The following PI4K2A variants were observed in gnomAD, a reference collection of about 807,000 sequenced individuals.
The protein encoded by PI4K2A is phosphatidylinositol 4-kinase type 2 alpha, also known as phosphatidylinositol 4-kinase type 2-alpha.
A neutral mutation model predicts 55.0 loss-of-function variants in PI4K2A; 20 were observed. That is an observed-to-expected ratio of 0.36 (90% CI 0.26 to 0.53). The LOEUF is 0.53. Ranked by LOEUF, PI4K2A falls within the 20% of genes least tolerant of loss-of-function variation. The probability of loss-of-function intolerance (pLI) is 0.91; values close to 1 mark genes in which losing one functional copy is unlikely to be tolerated. For synonymous variants in PI4K2A, 235 were observed against 258.5 expected (o/e 0.91, Z 0.87); for missense variants, 463 against 637.1 (o/e 0.73, Z 2.94).
chr10:97,657,662 T>A (rs1462485694), intron 4 of PI4K2A, among the ~76,000 whole-genome samples: 1 of 138,338 alleles, frequency 7.2e-6, no homozygotes, highest in Non-Finnish European at 1.5e-5. Context: ...AGCAAGACTC[T>A]GTTTCCAAAA....
intron 8 of PI4K2A, among the ~76,000 whole-genome samples, chr10:97,671,429 G>T (rs540874549): frequency 6.6e-6 from 1 of 152,104 alleles, no homozygotes; most frequent in East Asian, 1.9e-4. Context: ...TCCAGCTTGG[G>T]TGACAGAGTG....
At chr10:97,661,496 C>T (rs79589125) in intron 4 of PI4K2A, among the ~76,000 whole-genome samples, 3,560 of 151,348 alleles carry the variant, frequency 0.024, 62 homozygotes, top group Non-Finnish European at 0.038. Context: ...TAAAGGTCCA[C>T]ATATTACATT....
At chr10:97,661,234 G>A (rs573927539) in intron 4 of PI4K2A, among the ~76,000 whole-genome samples, 126 of 151,698 alleles carry the variant, frequency 8.3e-4, no homozygotes, top group Non-Finnish European at 1.6e-3. Context: ...CTCGTGATCC[G>A]CCCACCTCGG....
At chr10:97,646,219 ATTT>A (rs34709946) in intron 1 of PI4K2A, among the ~76,000 whole-genome samples, 1 of 141,624 alleles carries the variant, frequency 7.1e-6, no homozygotes, top group Admixed American at 7.1e-5. Flanking sequence ...GTCCTTAATA[ATTT>A]TTTTTTTTTT....
At chr10:97,662,728 C>A (rs912456135) in intron 4 of PI4K2A, among the ~76,000 whole-genome samples, 179 bp from the exon 5 acceptor site, 4 of 152,146 alleles carry the variant, frequency 2.6e-5, no homozygotes, top group Non-Finnish European at 5.9e-5. Context: ...ACTCTTAAAT[C>A]CTTTGTGGTC....
chr10:97,663,376 C>A, intron 5 of PI4K2A, among the ~76,000 whole-genome samples: 1 of 152,166 alleles, frequency 6.6e-6, no homozygotes. Context: ...AAAGCTGCTC[C>A]TGCAACTTTC....
chr10:97,665,378 G>A (rs543610869), intron 6 of PI4K2A, among the ~76,000 whole-genome samples: 25 of 151,092 alleles, frequency 1.7e-4, no homozygotes, highest in Non-Finnish European at 3.2e-4. Flanking sequence ...GGGTTCAAGC[G>A]ATTCTCCTGC....
At chr10:97,654,159 G>A (rs1020059984) in intron 2 of PI4K2A, among the ~76,000 whole-genome samples, 1 of 152,188 alleles carries the variant, frequency 6.6e-6, no homozygotes, top group African/African-American at 2.4e-5. Context: ...CTGCTCCTAT[G>A]AGGTTTCAGG....
intron 1 of PI4K2A, among the ~76,000 whole-genome samples, chr10:97,647,084 G>C (rs549805539): frequency 2.0e-5 from 3 of 151,974 alleles, no homozygotes; most frequent in South Asian, 4.2e-4. Flanking sequence ...CTGGGCTCAG[G>C]TTCCAGTAAT....
At position 97,656,878 on chromosome 10, in the gene PI4K2A, C is replaced by T. The variant is rs367733994; in HGVS notation, c.826C>T (p.Arg276Cys). 1.1e-5 allele frequency: 17 copies of T among 1,613,952 alleles called. No homozygotes were observed. The highest frequency in any genetic ancestry group is 2.7e-5 in the African/African-American group (2 of 74,920). ...CAAAGATGCAGACTATTGGCTGCGGCGTTTTGAAGCAGAACCTCTTCCTGA... is the reference window on the plus strand; with the variant it reads ...CAAAGATGCAGACTATTGGCTGCGGTGTTTTGAAGCAGAACCTCTTCCTGA... Residue 276 changes from arginine (R) to cysteine (C), a missense_variant, in exon 4 of 9, where the codon CGT becomes TGT. By Grantham distance (180) the Arg-to-Cys change is radical. This residue lies in a region of PI4K2A where 277 missense variants were observed against 432.6 expected (regional missense o/e 0.64). Transcript: ENST00000370631. This position sits in a 1 kb window ranked among gnomAD's most constrained non-coding sequence, Gnocchi z 4.5.
chr10:97,664,943 G>C, exon 6 of PI4K2A: 1 of 1,613,968 alleles, frequency 6.2e-7, no homozygotes, highest in Non-Finnish European at 8.5e-7. Context: ...ATAGACAATG[G>C]GCTGGCCTTC....
At chr10:97,641,526 T>TTG (rs1192449658) in intron 1 of PI4K2A, among the ~76,000 whole-genome samples, 2 of 152,118 alleles carry the variant, frequency 1.3e-5, no homozygotes, top group East Asian at 3.9e-4. Flanking sequence ...GGCCGCCGAC[T>TTG]TGCAGATTTG....
At chr10:97,642,374 T>A (rs2041474093) in intron 1 of PI4K2A, among the ~76,000 whole-genome samples, 1 of 151,542 alleles carries the variant, frequency 6.6e-6, no homozygotes, top group African/African-American at 2.4e-5. Context: ...TTGCGAGTAA[T>A]AAGTCTTTCG....
At chr10:97,646,053 T>C (rs1236937450) in intron 1 of PI4K2A, among the ~76,000 whole-genome samples, 1 of 152,114 alleles carries the variant, frequency 6.6e-6, no homozygotes, top group Non-Finnish European at 1.5e-5. Flanking sequence ...ATTATTTTCA[T>C]CATAATTCTA....
intron 8 of PI4K2A, among the ~76,000 whole-genome samples, chr10:97,668,938 T>C (rs2041622832): frequency 1.3e-5 from 2 of 152,076 alleles, no homozygotes; most frequent in Non-Finnish European, 2.9e-5. Context: ...CGATCTTGGC[T>C]CACTGCAACC....
chr10:97,660,405 C>T (rs1262850397), intron 4 of PI4K2A, among the ~76,000 whole-genome samples: 1 of 151,360 alleles, frequency 6.6e-6, no homozygotes, highest in Non-Finnish European at 1.5e-5. Context: ...AAGTGATTCT[C>T]CTGCCTCAGC....
At chr10:97,661,611 C>G (rs1218802246) in intron 4 of PI4K2A, among the ~76,000 whole-genome samples, 1 of 151,780 alleles carries the variant, frequency 6.6e-6, no homozygotes, top group African/African-American at 2.4e-5. Flanking sequence ...CCACCTCAGC[C>G]TCCCAAAATG....
chr10:97,667,061 A>G (rs2041612952), exon 8 of PI4K2A: 1 of 1,613,148 alleles, frequency 6.2e-7, no homozygotes, highest in Non-Finnish European at 8.5e-7. Flanking sequence ...TCTTTTGCAG[A>G]AAGATCCTGG....
chr10:97,642,827 CTT>C (rs2041478612), intron 1 of PI4K2A, among the ~76,000 whole-genome samples: 1 of 19,130 alleles, frequency 5.2e-5, no homozygotes, highest in Non-Finnish European at 2.8e-4. Flanking sequence ...TCCTTCCTTC[CTT>C]CCTTCCTTCC....
Sources: gnomAD v4.1 joint callset for allele counts (sites outside exome capture counted in the v4.1 genomes callset) on GRCh38, gnomAD v4.1.1 for gene constraint, gnomAD v4.1.1 regional missense constraint, Gnocchi (gnomAD v3.1) non-coding constraint, MANE v1.5 for transcripts, NCBI Gene and HGNC (gene_info 2026-07-23, HGNC 2026-07-21) for gene names.